Variants in MGLL observed in about 807,000 individuals in gnomAD.
MGLL encodes the protein monoglyceride lipase.
In MGLL, 7 loss-of-function variants were observed where a neutral mutation model predicts 29.1. That is an observed-to-expected ratio of 0.24 (90% CI 0.14 to 0.45). The LOEUF is 0.45. MGLL is among the 20% of genes least tolerant of loss of function. The pLI is 0.99. For synonymous variants in MGLL, 148 were observed against 168.3 expected, an observed-to-expected ratio of 0.88 and a Z score of 0.93; for missense variants, 356 against 413.6, an observed-to-expected ratio of 0.86 and a Z score of 1.21.
chr3:127,731,154 G>A (rs888428660), intron 3 of MGLL, among the ~76,000 whole-genome samples: 6 of 152,134 alleles, frequency 3.9e-5, no homozygotes, highest in Non-Finnish European at 7.4e-5. Context: ...CATCTGTAAT[G>A]AGAATTCTTT....
chr3:127,774,657 T>C (rs1241166481), intron 3 of MGLL, among the ~76,000 whole-genome samples: 1 of 152,196 alleles, frequency 6.6e-6, no homozygotes, highest in Non-Finnish European at 1.5e-5. Context: ...TCGTGTCTAA[T>C]AGATGCCTGG....
chr3:127,781,982 A>G, intron 2 of MGLL, 87 bp from the exon 3 acceptor site: 2 of 1,285,044 alleles, frequency 1.6e-6, no homozygotes, highest in African/African-American at 2.9e-5. Flanking sequence ...GCACTTTGGG[A>G]GGCCGGGGCG....
At chr3:127,815,106 A>G (rs1209975037) in intron 2 of MGLL, among the ~76,000 whole-genome samples, 1 of 151,942 alleles carries the variant, frequency 6.6e-6, no homozygotes, top group Non-Finnish European at 1.5e-5. Flanking sequence ...TTCCTTCCTT[A>G]CCTTCAGCAG....
At chr3:127,793,803 C>A (rs915265572) in intron 2 of MGLL, among the ~76,000 whole-genome samples, 1 of 152,128 alleles carries the variant, frequency 6.6e-6, no homozygotes, top group Non-Finnish European at 1.5e-5. Context: ...CTCAGGTGAC[C>A]CACCTGCCTT....
chr3:127,705,776 C>CAA (rs36125403), intron 6 of MGLL, among the ~76,000 whole-genome samples: 120 of 112,404 alleles, frequency 1.1e-3, no homozygotes, highest in Middle Eastern at 4.4e-3. Context: ...AACTCCATCT[C>CAA]AAAAAAAAAA....
intron 6 of MGLL, among the ~76,000 whole-genome samples, chr3:127,704,740 A>G (rs1162786936): frequency 1.3e-5 from 2 of 152,218 alleles, no homozygotes; most frequent in Non-Finnish European, 2.9e-5. Context: ...GTCAAGAAAC[A>G]ACAGTTGCTG....
intron 3 of MGLL, among the ~76,000 whole-genome samples, chr3:127,763,369 C>G (rs2076799371): frequency 6.6e-6 from 1 of 152,224 alleles, no homozygotes; most frequent in Non-Finnish European, 1.5e-5. Context: ...TTCTTCTCAC[C>G]CTCTGGCCCC....
In MGLL at chr3:127,695,137, G is replaced by A. The variant is rs747034853; in HGVS notation, c.654C>T (p.Cys218=). 2.8e-5 allele frequency: 45 copies of A among 1,614,096 alleles called. No homozygotes were observed. Among genetic ancestry groups the A allele is most frequent in the African/African-American group, 2.7e-5 (2 of 74,940 alleles). Reference sequence around the variant, plus strand: ...CGGCATTCAGCAGTTGGATGCCGAAGCACACCTTCAGCCCTGCCCGGCAGA... The same window carrying A: ...CGGCATTCAGCAGTTGGATGCCGAAACACACCTTCAGCCCTGCCCGGCAGA... ...PLICRAGLKV[C]FGIQLLNAVS... is the part of the protein sequence containing the mutation. Residue 218 remains cysteine (C), a synonymous_variant, in exon 7 of 8, where the codon TGC becomes TGT. Transcript: ENST00000265052.
At chr3:127,723,684 T>C (rs190835776) in intron 3 of MGLL, among the ~76,000 whole-genome samples, 4 of 152,354 alleles carry the variant, frequency 2.6e-5, no homozygotes, top group Admixed American at 2.0e-4. Context: ...TTTACTGTGC[T>C]ATCATATCCG....
At chr3:127,776,733 G>A (rs573894514) in intron 3 of MGLL, among the ~76,000 whole-genome samples, 41 of 152,336 alleles carry the variant, frequency 2.7e-4, no homozygotes, top group East Asian at 1.9e-3. Context: ...CCCTGCTTAC[G>A]TGGATACCTT....
At chr3:127,729,892 C>CA (rs1175744008) in intron 3 of MGLL, among the ~76,000 whole-genome samples, 1 of 152,218 alleles carries the variant, frequency 6.6e-6, no homozygotes, top group African/African-American at 2.4e-5. Context: ...GTAATGTAGG[C>CA]ATCTCCTGGA....
At chr3:127,729,852 G>A (rs1346978188) in intron 3 of MGLL, among the ~76,000 whole-genome samples, 1 of 152,172 alleles carries the variant, frequency 6.6e-6, no homozygotes, top group Non-Finnish European at 1.5e-5. Context: ...CCTGGTCCAA[G>A]CGCATCACTC....
Position 127,725,427 on chromosome 3 carries a change from G to A in MGLL, c.263-2861C>T, listed in dbSNP as rs141454663. Among the ~76,000 whole-genome samples the A allele has an allele frequency of 1.9e-3, 293 of 152,130 alleles. 2 individuals are homozygous for A. The highest frequency in any genetic ancestry group is 3.1e-3 in the Non-Finnish European group (210 of 68,002). ...CTTTCCCACTTCCTCCCATCCACCC[G>A]ATTCCCTATCTTCCCCTAAACTCTT... On this transcript the variant is annotated intron_variant, in intron 3 of 7. Transcript: ENST00000265052.
chr3:127,727,345 C>CT (rs1306059078), intron 3 of MGLL, among the ~76,000 whole-genome samples: 6 of 149,116 alleles, frequency 4.0e-5, no homozygotes, highest in East Asian at 3.9e-4. Flanking sequence ...AAACTTAATT[C>CT]TTTTTTTTTT....
chr3:127,800,947 A>G (rs2077467690), intron 2 of MGLL, among the ~76,000 whole-genome samples: 1 of 152,230 alleles, frequency 6.6e-6, no homozygotes, highest in East Asian at 1.9e-4. Context: ...AGCTGCTGAT[A>G]AATTTAGAAG....
chr3:127,748,291 G>A (rs190666258), intron 3 of MGLL, among the ~76,000 whole-genome samples: 1 of 152,136 alleles, frequency 6.6e-6, no homozygotes, highest in East Asian at 1.9e-4. Flanking sequence ...ATTCTCAACT[G>A]AGGGTTACGC....
intron 3 of MGLL, among the ~76,000 whole-genome samples, chr3:127,755,094 G>A (rs951638991): frequency 2.0e-5 from 3 of 152,126 alleles, no homozygotes; most frequent in South Asian, 2.1e-4. Context: ...TTGCCATTGC[G>A]GGGGCTGTTC....
chr3:127,715,067 G>A (rs2075789216), intron 5 of MGLL, among the ~76,000 whole-genome samples: 1 of 152,198 alleles, frequency 6.6e-6, no homozygotes, highest in Admixed American at 6.5e-5. Flanking sequence ...TCATGTGCGT[G>A]GTGAAGTCTC....
At chr3:127,696,259 C>T (rs960445047) in intron 6 of MGLL, among the ~76,000 whole-genome samples, 2 of 152,180 alleles carry the variant, frequency 1.3e-5, no homozygotes, top group African/African-American at 4.8e-5. Flanking sequence ...GGGTTTCTGG[C>T]TTCACTCTTC....
Sources: allele counts gnomAD v4.1 joint callset (sites outside exome capture counted in the v4.1 genomes callset), GRCh38; gene constraint gnomAD v4.1.1; transcripts MANE v1.5; gene names NCBI Gene and HGNC (gene_info 2026-07-23, HGNC 2026-07-21).